Variants in TEK observed in about 807,000 individuals in gnomAD.
TEK encodes angiopoietin-1 receptor.
In TEK, 43 loss-of-function variants were observed where a neutral mutation model predicts 131.8. The observed-to-expected ratio is 0.33, with a 90% confidence interval of 0.26 to 0.42. The LOEUF is 0.42. Ranked by LOEUF, TEK falls within the 10% of genes least tolerant of loss-of-function variation. The pLI, the probability that TEK is intolerant of heterozygous loss-of-function variation, is 1.00. For missense variants in TEK, 1,162 were observed against 1,384.4 expected (o/e 0.84, Z 2.55); for synonymous variants, 580 against 491.6 (o/e 1.18, Z -2.38).
chr9:27,225,917 G>T (rs191573162), intron 21 of TEK, among the ~76,000 whole-genome samples: 5 of 152,228 alleles, frequency 3.3e-5, no homozygotes, highest in Admixed American at 2.0e-4. Context: ...TCAAAAAGTG[G>T]GCAAAGGATA....
At chr9:27,189,078 G>A (rs926076293) in intron 9 of TEK, among the ~76,000 whole-genome samples, 3 of 152,108 alleles carry the variant, frequency 2.0e-5, no homozygotes, top group East Asian at 1.9e-4. Flanking sequence ...AATGTCCTCT[G>A]AAATCTGAAA....
rs1401238260 is a variant in TEK at position 27,201,016 on chromosome 9, G to A, written c.1910-1804G>A. Reference sequence around the variant, plus strand: ...CTTGCACTTGTCTCTTTGGATGGGCGACCCACTGCTTCAAAGCAACTATGC... The same window carrying A: ...CTTGCACTTGTCTCTTTGGATGGGCAACCCACTGCTTCAAAGCAACTATGC... On this transcript the variant is annotated intron_variant, in intron 12 of 22. Coordinates refer to ENST00000380036, the MANE Select transcript of TEK (RefSeq NM_000459.5). 3.3e-5 allele frequency among the ~76,000 whole-genome samples: 5 copies of A among 152,180 alleles called. No homozygotes were observed. The East Asian group carries it at 7.7e-4, about 23-fold the overall frequency.
At chr9:27,210,757 CACA>C (rs2131222347) in intron 16 of TEK, 1 of 152,168 alleles carries the variant, frequency 6.6e-6, no homozygotes, top group South Asian at 2.1e-4. Context: ...GAAAAAAAAC[CACA>C]ACAACAAAAA....
intron 9 of TEK, 88 bp downstream of exon 9, chr9:27,185,717 C>A: frequency 6.5e-7 from 1 of 1,534,462 alleles, no homozygotes; most frequent in Admixed American, 1.8e-5. Context: ...TATGCGACCA[C>A]TAAAATACCT....
At chr9:27,221,079 G>A (rs995750744) in intron 21 of TEK, among the ~76,000 whole-genome samples, 1 of 152,224 alleles carries the variant, frequency 6.6e-6, no homozygotes, top group Non-Finnish European at 1.5e-5. Flanking sequence ...CTCCAGCTTG[G>A]TGAGGGGAGA....
chr9:27,172,476 T>G, intron 4 of TEK, 140 bp from the exon 5 acceptor site: 156 of 1,211,324 alleles, frequency 1.3e-4, no homozygotes, highest in Non-Finnish European at 1.7e-4. Context: ...TATTAGATGA[T>G]GAGCTTTTAG....
intron 16 of TEK, among the ~76,000 whole-genome samples, chr9:27,211,804 G>A (rs62546528): frequency 2.8e-3 from 418 of 151,386 alleles, no homozygotes; most frequent in Non-Finnish European, 4.5e-3. Context: ...TTAAAAACAT[G>A]GTTTGCCCAA....
At chr9:27,226,909 T>A (rs930132680) in intron 21 of TEK, among the ~76,000 whole-genome samples, 2 of 152,102 alleles carry the variant, frequency 1.3e-5, no homozygotes, top group Non-Finnish European at 2.9e-5. Flanking sequence ...GAGCAGATAA[T>A]TTATTGTCTA....
chr9:27,136,085 A>ATTATT (rs1554689022), intron 1 of TEK, among the ~76,000 whole-genome samples: 3 of 137,022 alleles, frequency 2.2e-5, no homozygotes, highest in Admixed American at 7.6e-5. Flanking sequence ...CAGGGCAGTT[A>ATTATT]TTTTTTTTTT....
intron 2 of TEK, among the ~76,000 whole-genome samples, chr9:27,161,422 C>T (rs598232): frequency 0.97 from 148,462 of 152,370 alleles, 72,342 homozygotes; most frequent in East Asian, 1. Flanking sequence ...CAAGAAGCAT[C>T]GATTTACACA....
intron 9 of TEK, among the ~76,000 whole-genome samples, chr9:27,189,766 T>G (rs773107551): frequency 3.3e-5 from 5 of 152,148 alleles, no homozygotes; most frequent in Non-Finnish European, 5.9e-5. Flanking sequence ...AACACAGCCT[T>G]GCTAATGCCT....
At position 27,158,045 on chromosome 9, in the gene TEK, G is replaced by T. The variant is rs764880845; in HGVS notation, c.267G>T (p.Lys89Asn). 59 of 1,614,018 alleles carry T rather than the reference G, an allele frequency of 3.7e-5. No homozygotes were observed. Among genetic ancestry groups the T allele is most frequent in the Non-Finnish European group, 4.9e-5 (58 of 1,180,024 alleles). Residue 89 changes from lysine (K) to asparagine (N), a missense_variant, in exon 2 of 23, where the codon AAG becomes AAT. Coordinates refer to ENST00000380036, the MANE Select transcript of TEK (RefSeq NM_000459.5). ...TREWAKKVVW[K>N]REKASKINGA... is the part of the protein sequence containing the mutation. ...AATGGGCTAAAAAAGTTGTTTGGAAGAGAGAAAAGGCTAGTAAGATCAATG... is the reference window on the plus strand; with the variant it reads ...AATGGGCTAAAAAAGTTGTTTGGAATAGAGAAAAGGCTAGTAAGATCAATG...
intron 1 of TEK, among the ~76,000 whole-genome samples, chr9:27,117,526 C>G (rs533952671): frequency 6.6e-6 from 1 of 152,198 alleles, no homozygotes; most frequent in East Asian, 1.9e-4. Context: ...TCTGATCATT[C>G]TTCTCTCCTG....
At position 27,183,568 on chromosome 9, in the gene TEK, T is replaced by C. The variant is rs1419065793; in HGVS notation, c.1140T>C (p.Asn380=). The C allele has an allele frequency of 1.2e-6, 2 of 1,613,930 alleles. No homozygotes were observed. The highest frequency in any genetic ancestry group is 2.2e-5 in the South Asian group (2 of 91,090). ...CTTCTGGCTGGCCGCTACCTACTAA[T>C]GAAGAAATGACCCTGGTGAAGCCGG... ...CKASGWPLPT[N]EEMTLVKPDG... is the part of the protein sequence containing the mutation. Residue 380 remains asparagine, a synonymous_variant, in exon 8 of 23, where the codon AAT becomes AAC. Coordinates refer to ENST00000380036, the MANE Select transcript of TEK (RefSeq NM_000459.5).
At chr9:27,210,061 GACT>G (rs1221597551) in intron 16 of TEK, among the ~76,000 whole-genome samples, 1 of 152,162 alleles carries the variant, frequency 6.6e-6, no homozygotes, top group African/African-American at 2.4e-5. Context: ...ATAGAAAAGA[GACT>G]ACTTCCATTT....
intron 1 of TEK, among the ~76,000 whole-genome samples, chr9:27,140,713 A>AC (rs1822693967): frequency 1.3e-5 from 2 of 151,962 alleles, no homozygotes; most frequent in Admixed American, 1.3e-4. Flanking sequence ...TCAAAATGGG[A>AC]GTGGTGTGGT....
intron 12 of TEK, among the ~76,000 whole-genome samples, chr9:27,201,873 T>A (rs2131205304): frequency 6.6e-6 from 1 of 152,284 alleles, no homozygotes; most frequent in South Asian, 2.1e-4. Context: ...AGTTTTCTCA[T>A]CTCTAAAATG....
intron 19 of TEK, among the ~76,000 whole-genome samples, chr9:27,218,340 C>A (rs1428635758): frequency 1.3e-5 from 2 of 151,972 alleles, no homozygotes; most frequent in Non-Finnish European, 2.9e-5. Context: ...TCACTGTATG[C>A]AAGGTGCTTT....
chr9:27,203,354 TAAG>T (rs1485742554), intron 13 of TEK, among the ~76,000 whole-genome samples: 1 of 152,142 alleles, frequency 6.6e-6, no homozygotes, highest in Non-Finnish European at 1.5e-5. Flanking sequence ...TCCAGCAATC[TAAG>T]AAGAAAGCTC....
Sources: gnomAD v4.1 joint callset for allele counts (sites outside exome capture counted in the v4.1 genomes callset) on GRCh38, gnomAD v4.1.1 for gene constraint, MANE v1.5 for transcripts, NCBI Gene and HGNC (gene_info 2026-07-23, HGNC 2026-07-21) for gene names.